The following CDH13 variants were observed in gnomAD, a reference collection of about 807,000 sequenced individuals.
The protein encoded by CDH13 is cadherin 13, also known as cadherin-13.
A neutral mutation model predicts 63.8 loss-of-function variants in CDH13; 24 were observed. That is an observed-to-expected ratio of 0.38 (90% CI 0.27 to 0.53). The LOEUF (loss-of-function observed/expected upper bound fraction) is 0.53. CDH13 is among the 20% of genes least tolerant of loss of function. The pLI is 0.85. For missense variants in CDH13, 1,049 were observed against 903.1 expected (o/e 1.16, Z -2.07); for synonymous variants, 503 against 355.3 (o/e 1.42, Z -4.67).
chr16:83,184,129 C>CAT (rs2038437707), intron 4 of CDH13, among the ~76,000 whole-genome samples: 1 of 133,996 alleles, frequency 7.5e-6, no homozygotes, highest in Non-Finnish European at 1.6e-5. Flanking sequence ...CACACACATA[C>CAT]ACACACACAC....
intron 2 of CDH13, among the ~76,000 whole-genome samples, chr16:82,895,332 C>T (rs1282948661): frequency 6.6e-6 from 1 of 152,132 alleles, no homozygotes; most frequent in African/African-American, 2.4e-5. Flanking sequence ...TGGCTTGTTA[C>T]CCTCCCTCCT....
intron 3 of CDH13, among the ~76,000 whole-genome samples, chr16:83,113,329 C>T (rs1217445044): frequency 6.6e-6 from 1 of 152,210 alleles, no homozygotes; most frequent in Non-Finnish European, 1.5e-5. Flanking sequence ...ACTTATTAGA[C>T]ACAATCGTGG....
chr16:82,708,160 A>G lies in CDH13; in HGVS notation c.45+81023A>G, dbSNP rs1345167419. Among the ~76,000 whole-genome samples the G allele has an allele frequency of 2.6e-5, 4 of 152,152 alleles. No homozygotes were observed. In the South Asian group the frequency reaches 6.2e-4, roughly 24 times the overall value. On this transcript the variant is annotated intron_variant, in intron 1 of 13. Coordinates refer to ENST00000567109, the MANE Select transcript of CDH13 (RefSeq NM_001257.5). ...GTCTTTTACATTAGAGATGACTCCA[A>G]TGTTGCTTACATCACACTGTTCGCA...
intron 1 of CDH13, 50 bp from the exon 2 acceptor site, chr16:82,858,312 G>T (rs571314173): frequency 7.9e-7 from 1 of 1,270,068 alleles, no homozygotes; most frequent in Non-Finnish European, 1.1e-6. Flanking sequence ...AAGTTAGCAG[G>T]GCAAACACAT....
intron 7 of CDH13, among the ~76,000 whole-genome samples, chr16:83,536,832 A>G (rs2075201227): frequency 6.6e-6 from 1 of 152,302 alleles, no homozygotes; most frequent in Non-Finnish European, 1.5e-5. Flanking sequence ...CAGCAGCACT[A>G]GTGATAAATT....
intron 1 of CDH13, among the ~76,000 whole-genome samples, chr16:82,731,375 C>G (rs1246325719): frequency 6.6e-6 from 1 of 152,142 alleles, no homozygotes; most frequent in Non-Finnish European, 1.5e-5. Flanking sequence ...TTGCTGAACT[C>G]TAGTCTAGAC....
At chr16:83,227,187 C>T (rs770742037) in intron 5 of CDH13, among the ~76,000 whole-genome samples, 1 of 152,194 alleles carries the variant, frequency 6.6e-6, no homozygotes, top group East Asian at 1.9e-4. Flanking sequence ...ATGCAAGCAC[C>T]ACAGCTATGG....
intron 10 of CDH13, among the ~76,000 whole-genome samples, chr16:83,720,753 G>A (rs964645404): frequency 2.0e-5 from 3 of 152,224 alleles, no homozygotes; most frequent in Non-Finnish European, 2.9e-5. Context: ...ATGAGAGCCA[G>A]AAATGAAATT....
chr16:83,176,737 G>A (rs765242334), intron 4 of CDH13, among the ~76,000 whole-genome samples: 9 of 151,992 alleles, frequency 5.9e-5, no homozygotes, highest in Non-Finnish European at 1.2e-4. Context: ...TAAAGTTTGC[G>A]ATAAAAGTCT....
chr16:83,102,495 C>G (rs1272362649), intron 3 of CDH13, among the ~76,000 whole-genome samples: 2 of 152,060 alleles, frequency 1.3e-5, no homozygotes, highest in African/African-American at 4.8e-5. Context: ...GTAACAGGGG[C>G]AGAGTGCAGA....
At chr16:83,789,354 TG>T (rs1232844550) in intron 13 of CDH13, among the ~76,000 whole-genome samples, 48 of 140,136 alleles carry the variant, frequency 3.4e-4, no homozygotes, top group African/African-American at 1.2e-3. Context: ...TTTGTTTGTC[TG>T]TTTTGTTTTA....
At chr16:82,935,134 G>C (rs2042627902) in intron 2 of CDH13, among the ~76,000 whole-genome samples, 1 of 152,214 alleles carries the variant, frequency 6.6e-6, no homozygotes, top group African/African-American at 2.4e-5. Context: ...CAGTTTTGCA[G>C]GGTTGGGGAG....
intron 5 of CDH13, among the ~76,000 whole-genome samples, chr16:83,229,323 A>G (rs1464575308): frequency 6.6e-6 from 1 of 152,188 alleles, no homozygotes; most frequent in Non-Finnish European, 1.5e-5. Flanking sequence ...CTTTCCCTGG[A>G]GCTCTGCCTT....
intron 3 of CDH13, among the ~76,000 whole-genome samples, chr16:83,049,859 A>G (rs1481519526): frequency 6.6e-6 from 1 of 152,208 alleles, no homozygotes; most frequent in Non-Finnish European, 1.5e-5. Context: ...TACAGTGACA[A>G]TAATGCCACA....
At chr16:83,369,987 A>G (rs1410970994) in intron 6 of CDH13, among the ~76,000 whole-genome samples, 1 of 152,214 alleles carries the variant, frequency 6.6e-6, no homozygotes, top group African/African-American at 2.4e-5. Context: ...CTTTGAAAAC[A>G]CAGTTGATGC....
intron 6 of CDH13, among the ~76,000 whole-genome samples, chr16:83,361,451 A>G (rs1005218567): frequency 6.6e-6 from 1 of 151,996 alleles, no homozygotes; most frequent in Non-Finnish European, 1.5e-5. Context: ...CCACTTGTCA[A>G]TTTTTGTTTT....
intron 1 of CDH13, among the ~76,000 whole-genome samples, chr16:82,702,710 T>C (rs2031147476): frequency 6.6e-6 from 1 of 152,146 alleles, no homozygotes; most frequent in Non-Finnish European, 1.5e-5. Flanking sequence ...TGCAGAAAAT[T>C]TGTGAATATA....
At chr16:83,083,824 T>C (rs2033414103) in intron 3 of CDH13, among the ~76,000 whole-genome samples, 1 of 152,192 alleles carries the variant, frequency 6.6e-6, no homozygotes, top group South Asian at 2.1e-4. Context: ...CTAAATACAA[T>C]GAAGGGCATC....
chr16:82,795,379 G>C (rs975368898), intron 1 of CDH13, among the ~76,000 whole-genome samples: 2 of 152,188 alleles, frequency 1.3e-5, no homozygotes, highest in Admixed American at 6.5e-5. Context: ...GGCACAGCAA[G>C]GTGAGAAGCT....
Sources: gnomAD v4.1 joint callset for allele counts (sites outside exome capture counted in the v4.1 genomes callset) on GRCh38, gnomAD v4.1.1 for gene constraint, MANE v1.5 for transcripts, NCBI Gene and HGNC (gene_info 2026-07-23, HGNC 2026-07-21) for gene names.